The following CBX5 variants were observed in gnomAD, a reference collection of about 807,000 sequenced individuals.
The protein encoded by CBX5 is chromobox protein homolog 5.
A neutral mutation model predicts 20.7 loss-of-function variants in CBX5; 7 were observed. The observed-to-expected ratio is 0.34, with a 90% confidence interval of 0.19 to 0.63. The LOEUF (loss-of-function observed/expected upper bound fraction) is 0.63. Among genes scored for constraint, CBX5 ranks in the 30% least tolerant of loss-of-function variants. The probability of loss-of-function intolerance (pLI) is 0.75; values close to 1 mark genes in which losing one functional copy is unlikely to be tolerated. For synonymous variants in CBX5, 78 were observed against 77.0 expected (o/e 1.01, Z -0.07); for missense variants, 110 against 224.1 (o/e 0.49, Z 3.25).
At chr12:54,276,433 T>C (rs1944068870) in intron 1 of CBX5, among the ~76,000 whole-genome samples, 1 of 152,220 alleles carries the variant, frequency 6.6e-6, no homozygotes, top group Non-Finnish European at 1.5e-5. Context: ...AATTGGTTGA[T>C]TACTGTACCG....
In CBX5 at chr12:54,251,790, G is replaced by C. The variant is rs145575015; in HGVS notation, c.324+251C>G. Among the ~76,000 whole-genome samples, 340 of 152,314 alleles carry C rather than the reference G, an allele frequency of 2.2e-3. 4 individuals are homozygous for C. The highest frequency in any genetic ancestry group is 8.1e-3 in the African/African-American group (335 of 41,574). ...TCTTCTACTTATGGAGAAGGCAGAG[G>C]AGTGGTTTAACATTTTACAAAGATT... On this transcript the variant is annotated intron_variant, in intron 3 of 4. Coordinates refer to ENST00000209875, the MANE Select transcript of CBX5 (RefSeq NM_012117.3).
intron 2 of CBX5, among the ~76,000 whole-genome samples, chr12:54,253,550 G>C (rs1433406432): frequency 3.3e-5 from 5 of 151,900 alleles, no homozygotes; most frequent in African/African-American, 1.2e-4. Context: ...AACATAGCAA[G>C]ACTCCTGTCT....
intron 1 of CBX5, among the ~76,000 whole-genome samples, chr12:54,278,316 G>T (rs1944090346): frequency 6.6e-6 from 1 of 152,124 alleles, no homozygotes; most frequent in Admixed American, 6.6e-5. Context: ...ATAAATCCAG[G>T]ACAGATACCC....
At chr12:54,244,709 G>A (rs1035186204) in intron 4 of CBX5, among the ~76,000 whole-genome samples, 52 of 152,200 alleles carry the variant, frequency 3.4e-4, no homozygotes, top group African/African-American at 1.2e-3. Flanking sequence ...CTGCACTCTA[G>A]GCGAAAGAGA....
At chr12:54,260,449 G>A (rs534520386) in intron 1 of CBX5, among the ~76,000 whole-genome samples, 14 of 151,810 alleles carry the variant, frequency 9.2e-5, no homozygotes, top group South Asian at 6.2e-4. Context: ...AGCCTAGATC[G>A]CACCACTGCA....
intron 4 of CBX5, among the ~76,000 whole-genome samples, chr12:54,242,566 T>A (rs1224786398): frequency 6.6e-6 from 1 of 151,126 alleles, no homozygotes; most frequent in African/African-American, 2.4e-5. Context: ...CTCTATTGAT[T>A]ATGCACAAGT....
At chr12:54,254,680 C>T (rs1943846289) in intron 2 of CBX5, among the ~76,000 whole-genome samples, 1 of 151,974 alleles carries the variant, frequency 6.6e-6, no homozygotes. Context: ...CAGTGAAACC[C>T]CATCTCTAAT....
intron 1 of CBX5, among the ~76,000 whole-genome samples, chr12:54,265,326 T>C (rs997305703): frequency 6.6e-6 from 1 of 152,262 alleles, no homozygotes; most frequent in Non-Finnish European, 1.5e-5. Flanking sequence ...GTACTGATGG[T>C]TTTAGGTGTG....
rs1324444457 is a variant in CBX5, at chr12:54,233,922, C to T, written c.*7833G>A. ...TACTGTGGCCGGGTGCTGGCTCACG[C>T]CTGCAATCCCAGCACTTTGAGTGGC... On this transcript the variant is annotated 3_prime_UTR_variant, in exon 5 of 5. Coordinates refer to ENST00000209875, the MANE Select transcript of CBX5 (RefSeq NM_012117.3). The T allele has an allele frequency of 6.6e-6, 1 of 151,966 alleles. No individual in the cohort carries two copies. The highest frequency in any genetic ancestry group is 2.4e-5 in the African/African-American group (1 of 41,296). The allele number at this position is 151,966 out of a possible 1,614,324, so 9.4% of individuals were successfully genotyped here.
intron 3 of CBX5, among the ~76,000 whole-genome samples, chr12:54,249,187 G>C (rs759021361): frequency 6.6e-6 from 1 of 152,016 alleles, no homozygotes; most frequent in African/African-American, 2.4e-5. Context: ...TGGCTAACAC[G>C]GTGAAACCCC....
chr12:54,251,188 T>G (rs1943797164), intron 3 of CBX5, among the ~76,000 whole-genome samples: 1 of 149,308 alleles, frequency 6.7e-6, no homozygotes, highest in African/African-American at 2.5e-5. Flanking sequence ...CGGCTGGGCA[T>G]GGTGGCTCAC....
chr12:54,270,601 T>C (rs1592164237), intron 1 of CBX5, among the ~76,000 whole-genome samples: 2 of 152,348 alleles, frequency 1.3e-5, no homozygotes, highest in South Asian at 4.1e-4. Context: ...TATATCATCT[T>C]TTCATTTTCA....
At chr12:54,252,588 AG>A (rs1487759947) in intron 2 of CBX5, 1 of 188,388 alleles carries the variant, frequency 5.3e-6, no homozygotes, top group Non-Finnish European at 1.1e-5. Flanking sequence ...ACAACTTGGA[AG>A]AACCCCAAAA....
At position 54,246,214 on chromosome 12, in the gene CBX5, T is replaced by C; in HGVS notation, c.326A>G (p.Gln109Arg). The C allele has an allele frequency of 6.2e-7, 1 of 1,603,912 alleles. No individual in the cohort carries two copies. The highest frequency in any genetic ancestry group is 8.5e-7 in the Non-Finnish European group (1 of 1,170,818). The stretch of plus-strand genomic sequence containing the variant: ...AAAGCCCCGAGCGATATCATTGCTC[T>C]GCTATAAATAGAAGATAAAGAAAGG... ...DDIKSKKKRE[Q>R]SNDIARGFER... The change falls in exon 4 of 5, where the codon CAG becomes CGG. Residue 109 changes from glutamine (Q) to arginine (R), a missense_variant and splice_region_variant. This residue lies in a region of CBX5 where 21 missense variants were observed against 18.6 expected (regional missense o/e 1.13). Transcript: ENST00000209875.
Position 54,253,472 on chromosome 12 carries a change from T to C in CBX5, c.138-1245A>G, listed in dbSNP as rs367614202. On this transcript the variant is annotated intron_variant, in intron 2 of 4. Transcript: ENST00000209875. ...TGGGCGCAGTGACTCACGCCTGTAA[T>C]CTCAGCACTTTGGGAGGCTAAGGTG... Among the ~76,000 whole-genome samples the C allele has an allele frequency of 2.0e-5, 3 of 151,986 alleles. No individual in the cohort carries two copies. In the East Asian group the frequency reaches 5.8e-4, roughly 29 times the overall value.
At chr12:54,261,368 C>T (rs1188016766) in intron 1 of CBX5, among the ~76,000 whole-genome samples, 1 of 151,470 alleles carries the variant, frequency 6.6e-6, no homozygotes, top group African/African-American at 2.4e-5. Flanking sequence ...GCCATCTCGG[C>T]TTACTGCAAC....
At chr12:54,271,853 AT>A (rs1334987401) in intron 1 of CBX5, 7 of 152,366 alleles carry the variant, frequency 4.6e-5, no homozygotes, top group Admixed American at 3.3e-4. Context: ...AGTTAAAAAA[AT>A]TTTAATGAAT....
At chr12:54,252,604 T>C (rs925557096) in intron 2 of CBX5, 1 of 176,930 alleles carries the variant, frequency 5.7e-6, no homozygotes, top group Admixed American at 6.4e-5. Flanking sequence ...CCAAAAACAT[T>C]ATACTAAGTG....
At chr12:54,261,271 G>A (rs1271231962) in intron 1 of CBX5, among the ~76,000 whole-genome samples, 3 of 150,618 alleles carry the variant, frequency 2.0e-5, no homozygotes, top group East Asian at 1.9e-4. Flanking sequence ...ACCATAGGGT[G>A]TAAGACCAAA....
Sources: gnomAD v4.1 joint callset for allele counts (sites outside exome capture counted in the v4.1 genomes callset) on GRCh38, gnomAD v4.1.1 for gene constraint, gnomAD v4.1.1 regional missense constraint, MANE v1.5 for transcripts, NCBI Gene and HGNC (gene_info 2026-07-23, HGNC 2026-07-21) for gene names.